Variants in STK32A observed in about 807,000 individuals in gnomAD.
The protein encoded by STK32A is serine/threonine-protein kinase 32A.
STK32A carries 41 observed loss-of-function variants against 53.2 expected under a neutral mutation model. The ratio of observed to expected loss-of-function variants is 0.77; its 90% CI spans 0.60 to 1.00. The LOEUF (loss-of-function observed/expected upper bound fraction) is 1.00. Ranked by LOEUF, STK32A falls within the 50% of genes least tolerant of loss-of-function variation. STK32A has a pLI of 0.00. For synonymous variants in STK32A, 166 were observed against 162.8 expected, an observed-to-expected ratio of 1.02 and a Z score of -0.15; for missense variants, 458 against 485.8, an observed-to-expected ratio of 0.94 and a Z score of 0.54.
At chr5:147,365,515 T>A (rs1304981204) in intron 8 of STK32A, among the ~76,000 whole-genome samples, 2 of 151,982 alleles carry the variant, frequency 1.3e-5, no homozygotes, top group Non-Finnish European at 2.9e-5. Flanking sequence ...AGTTTCTAAA[T>A]AAATCCAGTG....
chr5:147,272,036 C>T (rs945339237), intron 2 of STK32A, among the ~76,000 whole-genome samples: 9 of 152,084 alleles, frequency 5.9e-5, no homozygotes, highest in African/African-American at 9.7e-5. Context: ...CGGAACCTAC[C>T]GACATGTGAT....
At chr5:147,338,361 C>T (rs1470728980) in intron 5 of STK32A, among the ~76,000 whole-genome samples, 2 of 152,160 alleles carry the variant, frequency 1.3e-5, no homozygotes. Context: ...TGTGAGGGCT[C>T]CCCAGCCATG....
chr5:147,288,102 C>T (rs542430171), intron 4 of STK32A, among the ~76,000 whole-genome samples: 2 of 152,164 alleles, frequency 1.3e-5, no homozygotes, highest in African/African-American at 4.8e-5. Context: ...ATAACCTATT[C>T]TTTCCTTCTC....
chr5:147,292,235 A>G (rs1002278912), intron 4 of STK32A, among the ~76,000 whole-genome samples: 6 of 152,210 alleles, frequency 3.9e-5, no homozygotes, highest in African/African-American at 1.4e-4. Flanking sequence ...TCATCAAAGC[A>G]GTTTGGTCAT....
At chr5:147,391,942 T>C (rs925149454), downstream of STK32A, 1 of 152,080 alleles carries the variant, frequency 6.6e-6, no homozygotes, top group African/African-American at 2.4e-5. Context: ...CACAGAGAGG[T>C]TGTGCAGAGA....
intron 12 of STK32A, 66 bp from the exon 13 acceptor site, chr5:147,383,824 A>G: frequency 1.5e-6 from 2 of 1,299,654 alleles, no homozygotes; most frequent in Non-Finnish European, 2.1e-6. Flanking sequence ...TATTATTTCA[A>G]AAGCTTAAAC....
the STK32A span, chr5:147,400,873 G>C: frequency 6.2e-7 from 1 of 1,600,030 alleles, no homozygotes; most frequent in African/African-American, 1.3e-5. Context: ...AGGGGAGATG[G>C]CTGGAGGCAC....
chr5:147,256,325 C>T (rs980341334), intron 2 of STK32A, among the ~76,000 whole-genome samples: 6 of 152,138 alleles, frequency 3.9e-5, no homozygotes, highest in African/African-American at 9.7e-5. Flanking sequence ...GAGCTTGGAA[C>T]GACTTATTAC....
At chr5:147,356,309 G>A (rs953078488) in intron 7 of STK32A, among the ~76,000 whole-genome samples, 5 of 152,170 alleles carry the variant, frequency 3.3e-5, no homozygotes, top group Admixed American at 2.6e-4. Flanking sequence ...TGCATGCATT[G>A]TCATTTAAAC....
intron 4 of STK32A, among the ~76,000 whole-genome samples, chr5:147,316,194 C>A (rs193200523): frequency 1.3e-5 from 2 of 152,178 alleles, no homozygotes. Flanking sequence ...TCATTGAGAA[C>A]CAAGATTTTC....
the STK32A span, among the ~76,000 whole-genome samples, chr5:147,394,433 C>T: frequency 4.6e-5 from 7 of 152,238 alleles, no homozygotes; most frequent in South Asian, 2.1e-4. Context: ...CAATGTTTTC[C>T]GTGCTTAACC....
intron 4 of STK32A, among the ~76,000 whole-genome samples, chr5:147,317,024 G>A (rs962882089): frequency 6.6e-6 from 1 of 151,568 alleles, no homozygotes; most frequent in African/African-American, 2.4e-5. Flanking sequence ...CAACCCCTAA[G>A]GAATTTTTGC....
At chr5:147,313,970 C>T (rs1040379002) in intron 4 of STK32A, among the ~76,000 whole-genome samples, 6 of 151,706 alleles carry the variant, frequency 4.0e-5, no homozygotes, top group Non-Finnish European at 8.8e-5. Context: ...TAAAATTCTT[C>T]GAAGAAAATA....
At chr5:147,278,607 T>C (rs116612615) in intron 3 of STK32A, among the ~76,000 whole-genome samples, 3,756 of 152,320 alleles carry the variant, frequency 0.025, 58 homozygotes, top group South Asian at 0.028. Flanking sequence ...GTTTTTATCT[T>C]AAGAAAAATA....
chr5:147,333,386 A>G (rs978775404), intron 5 of STK32A, among the ~76,000 whole-genome samples: 3 of 152,168 alleles, frequency 2.0e-5, no homozygotes, highest in Non-Finnish European at 4.4e-5. Flanking sequence ...AAGATATTTT[A>G]TTTGCTCAAA....
At chr5:147,245,776 T>C (rs1173466575) in intron 2 of STK32A, among the ~76,000 whole-genome samples, 1 of 152,212 alleles carries the variant, frequency 6.6e-6, no homozygotes, top group Non-Finnish European at 1.5e-5. Flanking sequence ...GAGAGTTCAA[T>C]TATTGCATTA....
intron 4 of STK32A, among the ~76,000 whole-genome samples, chr5:147,321,323 A>G (rs1754303715): frequency 6.6e-6 from 1 of 152,198 alleles, no homozygotes. Context: ...GATATTGCCC[A>G]ATTGTGTTAT....
chr5:147,356,036 G>A (rs932933911), intron 7 of STK32A, among the ~76,000 whole-genome samples: 5 of 152,004 alleles, frequency 3.3e-5, no homozygotes, highest in African/African-American at 1.2e-4. Context: ...ACTTTGCTAA[G>A]TTTTTAACAT....
intron 12 of STK32A, 52 bp downstream of exon 12, chr5:147,383,557 C>G: frequency 7.4e-7 from 1 of 1,342,734 alleles, no homozygotes; most frequent in Non-Finnish European, 1.0e-6. Context: ...CATGTTTCAG[C>G]CAGACTTTAC....
Sources: allele counts gnomAD v4.1 joint callset (sites outside exome capture counted in the v4.1 genomes callset), GRCh38; gene constraint gnomAD v4.1.1; transcripts MANE v1.5; gene names NCBI Gene and HGNC (gene_info 2026-07-23, HGNC 2026-07-21).